FBXL17: variants seen among roughly 807,000 people sequenced by gnomAD.
FBXL17 encodes the protein F-box/LRR-repeat protein 17.
In FBXL17, 22 loss-of-function variants were observed where a neutral mutation model predicts 66.2. The observed-to-expected ratio is 0.33, with a 90% CI of 0.24 to 0.47. FBXL17 has a LOEUF of 0.47. Among genes scored for constraint, FBXL17 ranks in the 20% least tolerant of loss-of-function variants. The pLI, the probability that FBXL17 is intolerant of heterozygous loss-of-function variation, is 1.00. For missense variants in FBXL17, 878 were observed against 948.2 expected, an observed-to-expected ratio of 0.93 and a Z score of 0.97; for synonymous variants, 474 against 400.5, an observed-to-expected ratio of 1.18 and a Z score of -2.19.
At chr5:108,244,504 T>G (rs779363700) in intron 4 of FBXL17, among the ~76,000 whole-genome samples, 1 of 152,182 alleles carries the variant, frequency 6.6e-6, no homozygotes, top group African/African-American at 2.4e-5. Flanking sequence ...CTGCATGCCA[T>G]GCGTATACTA....
chr5:107,946,393 T>C (rs1260157521), intron 7 of FBXL17, among the ~76,000 whole-genome samples: 1 of 142,946 alleles, frequency 7.0e-6, no homozygotes, highest in Non-Finnish European at 1.5e-5. Context: ...CTCCTTGGCT[T>C]AAGTGATCTG....
intron 6 of FBXL17, among the ~76,000 whole-genome samples, chr5:108,081,208 C>G (rs1233236636): frequency 6.6e-6 from 1 of 151,938 alleles, no homozygotes; most frequent in African/African-American, 2.4e-5. Context: ...TGCCTGAATT[C>G]CAAAAGGAGG....
At chr5:107,942,360 G>C (rs1307723073) in intron 7 of FBXL17, among the ~76,000 whole-genome samples, 1 of 152,142 alleles carries the variant, frequency 6.6e-6, no homozygotes, top group Non-Finnish European at 1.5e-5. Flanking sequence ...AAACGTGTGT[G>C]TTCCTCATCT....
At chr5:108,170,525 T>C (rs1459930858) in intron 6 of FBXL17, among the ~76,000 whole-genome samples, 1 of 152,156 alleles carries the variant, frequency 6.6e-6, no homozygotes, top group Non-Finnish European at 1.5e-5. Flanking sequence ...GTTATGTTAT[T>C]ATAAGACTAT....
intron 8 of FBXL17, among the ~76,000 whole-genome samples, chr5:107,862,866 A>G (rs1328585968): frequency 6.6e-6 from 1 of 151,684 alleles, no homozygotes; most frequent in Admixed American, 6.6e-5. Context: ...TATGATGATC[A>G]TGAAATTCAG....
chr5:108,178,139 G>T (rs1364594798), intron 6 of FBXL17, among the ~76,000 whole-genome samples: 2 of 151,836 alleles, frequency 1.3e-5, no homozygotes, highest in African/African-American at 2.4e-5. Flanking sequence ...AATCTTCCCA[G>T]TCTCGAGCTA....
At position 107,881,038 on chromosome 5, in the gene FBXL17, T is replaced by G; in HGVS notation, c.1964A>C (p.Lys655Thr). 6.2e-7 allele frequency: 1 copy of G among 1,614,110 alleles called. No individual in the cohort carries two copies. The highest frequency in any genetic ancestry group is 8.5e-7 in the Non-Finnish European group (1 of 1,179,982). The part of the protein sequence containing the change: ...LRYLGLMRCD[K>T]VNEVTVEQLV... ...AACAACTTGATAGTCAACTCTTACT[T>G]TATCACATCTCATCAGCCCCAAATA... is the stretch of plus-strand genomic sequence containing the variant. The change falls in exon 8 of 9, where the codon AAA becomes ACA. Residue 655 changes from lysine (K) to threonine (T), a missense_variant and splice_region_variant. Lys to Thr is a moderately conservative substitution (Grantham distance 78). This residue lies in a region of FBXL17 where 236 missense variants were observed against 389.1 expected (regional missense o/e 0.61). Transcript: ENST00000542267.
intron 4 of FBXL17, among the ~76,000 whole-genome samples, chr5:108,297,271 C>T (rs551550543): frequency 5.3e-5 from 8 of 151,628 alleles, no homozygotes; most frequent in East Asian, 3.9e-4. Flanking sequence ...TAATCTACAA[C>T]AGTAAAGGCA....
At chr5:108,299,006 A>C (rs1758465388) in intron 4 of FBXL17, 1 of 978,092 alleles carries the variant, frequency 1.0e-6, no homozygotes. Flanking sequence ...TTTTTCCTCT[A>C]TTACCTAGCT....
chr5:108,214,233 C>T (rs1001182667), intron 5 of FBXL17, among the ~76,000 whole-genome samples: 13 of 152,052 alleles, frequency 8.5e-5, no homozygotes, highest in African/African-American at 2.9e-4. Flanking sequence ...TGGTACTATC[C>T]ATGGTTTAAG....
intron 6 of FBXL17, among the ~76,000 whole-genome samples, chr5:108,149,810 T>C (rs961896697): frequency 6.6e-6 from 1 of 152,222 alleles, no homozygotes; most frequent in African/African-American, 2.4e-5. Flanking sequence ...CTTATGTTTT[T>C]AAAATATTCC....
intron 4 of FBXL17, among the ~76,000 whole-genome samples, chr5:108,317,801 G>C (rs1371329666): frequency 1.3e-5 from 2 of 151,356 alleles, no homozygotes; most frequent in African/African-American, 4.8e-5. Flanking sequence ...AAATGGAACA[G>C]TATTCTTTAG....
At chr5:108,329,407 T>C (rs1210371196) in intron 4 of FBXL17, among the ~76,000 whole-genome samples, 2 of 152,150 alleles carry the variant, frequency 1.3e-5, no homozygotes, top group African/African-American at 4.8e-5. Context: ...GCTTAAAGTC[T>C]AGCTTTCCCT....
At chr5:108,085,644 G>A (rs1426842960) in intron 6 of FBXL17, among the ~76,000 whole-genome samples, 1 of 152,132 alleles carries the variant, frequency 6.6e-6, no homozygotes. Flanking sequence ...TTGAACAACA[G>A]AACACTGGGG....
At chr5:107,878,722 G>A in intron 8 of FBXL17, 1 of 985,442 alleles carries the variant, frequency 1.0e-6, no homozygotes, top group Non-Finnish European at 1.2e-6. Context: ...AAACCAACAA[G>A]CAGGCTTTTC....
chr5:108,092,166 GC>G (rs1749210593), intron 6 of FBXL17, among the ~76,000 whole-genome samples: 1 of 152,192 alleles, frequency 6.6e-6, no homozygotes, highest in Non-Finnish European at 1.5e-5. Flanking sequence ...GCTCTTCAAA[GC>G]CTCCTCCTAG....
chr5:107,887,896 A>G (rs17436077), intron 7 of FBXL17, among the ~76,000 whole-genome samples: 4,764 of 152,292 alleles, frequency 0.031, 101 homozygotes, highest in Middle Eastern at 0.071. Flanking sequence ...GCTTGGGCAA[A>G]GTCAGTCAAG....
At chr5:108,332,890 G>A (rs1316364830) in intron 4 of FBXL17, among the ~76,000 whole-genome samples, 1 of 129,054 alleles carries the variant, frequency 7.7e-6, no homozygotes, top group African/African-American at 2.9e-5. Context: ...TTACAGGCGT[G>A]AGCCAAGTGG....
intron 1 of FBXL17, among the ~76,000 whole-genome samples, chr5:108,378,402 G>C (rs771135677): frequency 1.3e-5 from 2 of 152,064 alleles, no homozygotes; most frequent in Non-Finnish European, 2.9e-5. Flanking sequence ...TGAAGCAAAA[G>C]CAATACAATT....
Sources: gnomAD v4.1 joint callset for allele counts (sites outside exome capture counted in the v4.1 genomes callset) on GRCh38, gnomAD v4.1.1 for gene constraint, gnomAD v4.1.1 regional missense constraint, MANE v1.5 for transcripts, NCBI Gene and HGNC (gene_info 2026-07-23, HGNC 2026-07-21) for gene names.